Variants in SPAG6 observed in about 807,000 individuals in gnomAD.
SPAG6 encodes sperm associated antigen 6, also known as sperm-associated antigen 6.
SPAG6 carries 49 observed loss-of-function variants against 58.5 expected under a neutral mutation model. That is an observed-to-expected ratio of 0.84 (90% CI 0.67 to 1.06). SPAG6 has a LOEUF of 1.06. Ranked by LOEUF, SPAG6 falls within the 50% of genes least tolerant of loss-of-function variation. The pLI, the probability that SPAG6 is intolerant of heterozygous loss-of-function variation, is 0.00. For missense variants in SPAG6, 560 were observed against 611.3 expected, an observed-to-expected ratio of 0.92 and a Z score of 0.89; for synonymous variants, 233 against 225.6, an observed-to-expected ratio of 1.03 and a Z score of -0.29.
At chr10:22,370,346 T>C (rs1183145671) in intron 4 of SPAG6, among the ~76,000 whole-genome samples, 1 of 152,222 alleles carries the variant, frequency 6.6e-6, no homozygotes, top group Non-Finnish European at 1.5e-5. Context: ...CATTATCTCA[T>C]TTTGATTGCA....
intron 10 of SPAG6, among the ~76,000 whole-genome samples, chr10:22,414,744 C>A (rs1157262046): frequency 6.6e-6 from 1 of 152,098 alleles, no homozygotes; most frequent in Non-Finnish European, 1.5e-5. Context: ...AATCTAAATA[C>A]AGACATACTA....
At chr10:22,387,776 G>A (rs781272983) in intron 5 of SPAG6, 47 bp from the exon 6 acceptor site, 8 of 1,553,788 alleles carry the variant, frequency 5.1e-6, no homozygotes, top group African/African-American at 2.8e-5. Flanking sequence ...CTCTGTAGTG[G>A]ATGCTATATA....
chr10:22,375,585 C>CTTTTTTT (rs928312845), intron 4 of SPAG6, among the ~76,000 whole-genome samples: 1 of 126,196 alleles, frequency 7.9e-6, no homozygotes, highest in Non-Finnish European at 1.7e-5. Context: ...AAAGGATTTT[C>CTTTTTTT]TTTTTTTTTT....
At chr10:22,370,360 A>G (rs1234358601) in intron 4 of SPAG6, among the ~76,000 whole-genome samples, 1 of 152,128 alleles carries the variant, frequency 6.6e-6, no homozygotes, top group Non-Finnish European at 1.5e-5. Context: ...GATTGCAGCT[A>G]CCCTTGGGTG....
chr10:22,380,269 G>A (rs1459933358), intron 4 of SPAG6, among the ~76,000 whole-genome samples: 1 of 152,012 alleles, frequency 6.6e-6, no homozygotes, highest in East Asian at 1.9e-4. Flanking sequence ...TATCATATAA[G>A]TGGCAGCCAA....
intron 10 of SPAG6, chr10:22,412,705 G>C (rs1414337595): frequency 7.3e-6 from 3 of 413,146 alleles, no homozygotes; most frequent in African/African-American, 2.1e-5. Context: ...CCAAGTAGCT[G>C]GGACTACAGG....
chr10:22,358,021 G>T (rs1347406392), intron 2 of SPAG6, among the ~76,000 whole-genome samples: 5 of 151,958 alleles, frequency 3.3e-5, no homozygotes, highest in East Asian at 1.9e-4. Context: ...TCTTTGCTAT[G>T]GTGAATAGTG....
Position 22,364,967 on chromosome 10 carries a change from T to A in SPAG6, c.236T>A (p.Val79Asp), listed in dbSNP as rs771260495. 4.3e-6 allele frequency: 7 copies of A among 1,613,154 alleles called. No individual in the cohort carries two copies. The highest frequency in any genetic ancestry group is 2.5e-6 in the Non-Finnish European group (3 of 1,179,576). Residue 79 changes from valine (V) to aspartate (D), a missense_variant, in exon 3 of 11, where the codon GTT becomes GAT. Physicochemically the swap from Val to Asp is radical, Grantham distance 152 (BLOSUM62 -3). Transcript: ENST00000376624. ...ANYNDDLAEA[V>D]VKCDILPQLV... is the part of the protein sequence containing the mutation. ...TATAATGATGACCTAGCAGAAGCTG[T>A]TGTGAAGTGCGACATTCTTCCACAG...
At chr10:22,392,790 G>A (rs917925178) in intron 8 of SPAG6, among the ~76,000 whole-genome samples, 5 of 152,056 alleles carry the variant, frequency 3.3e-5, no homozygotes, top group African/African-American at 9.7e-5. Flanking sequence ...ATACACTTAA[G>A]GGACTCTGAA....
At chr10:22,412,548 A>G (rs1182845296) in intron 10 of SPAG6, 3 of 1,144,912 alleles carry the variant, frequency 2.6e-6, no homozygotes, top group Middle Eastern at 4.4e-4. Flanking sequence ...ATTAATATAT[A>G]TGATACATCA....
In SPAG6 at chr10:22,364,834, C is replaced by A. The variant is rs1334656624; in HGVS notation, c.122-19C>A. The A allele has an allele frequency of 1.3e-6, 2 of 1,568,164 alleles. No homozygotes were observed. Among genetic ancestry groups the A allele is most frequent in the East Asian group, 2.3e-5 (1 of 43,852 alleles). ...AATTTAAATTTTCCTGATTTCTGTT[C>A]TTTCATAATTTAACTCAGGTGTAAT... On this transcript the variant is annotated intron_variant, in intron 2 of 10. Transcript: ENST00000376624.
intron 2 of SPAG6, among the ~76,000 whole-genome samples, chr10:22,358,758 A>G (rs988164216): frequency 1.3e-5 from 2 of 152,256 alleles, no homozygotes; most frequent in Admixed American, 1.3e-4. Flanking sequence ...TAATTTTTGT[A>G]TAAGGAGTAA....
chr10:22,403,266 C>T (rs1304141658), intron 9 of SPAG6, among the ~76,000 whole-genome samples: 3 of 152,148 alleles, frequency 2.0e-5, no homozygotes, highest in African/African-American at 7.2e-5. Flanking sequence ...GTATATCTCC[C>T]AATGCTATCC....
chr10:22,379,264 G>T (rs752649785), intron 4 of SPAG6, among the ~76,000 whole-genome samples: 10 of 152,204 alleles, frequency 6.6e-5, no homozygotes, highest in South Asian at 6.2e-4. Flanking sequence ...TCTTGCAGAT[G>T]TGTTGGTGTA....
At chr10:22,397,168 G>T (rs1426249166) in intron 8 of SPAG6, among the ~76,000 whole-genome samples, 1 of 151,826 alleles carries the variant, frequency 6.6e-6, no homozygotes, top group African/African-American at 2.4e-5. Context: ...CGTGTGACAT[G>T]ATCTTGTATG....
intron 9 of SPAG6, among the ~76,000 whole-genome samples, chr10:22,407,325 C>A (rs1834583983): frequency 6.6e-6 from 1 of 151,864 alleles, no homozygotes; most frequent in Non-Finnish European, 1.5e-5. Flanking sequence ...TCTTTTAGGG[C>A]AGGCCTGGTG....
In SPAG6 at chr10:22,416,933, G is replaced by T. The variant is rs116988671; in HGVS notation, c.*245G>T. The T allele has an allele frequency of 3.1e-6, 1 of 317,478 alleles. No individual in the cohort carries two copies. Among genetic ancestry groups the T allele is most frequent in the Non-Finnish European group, 5.9e-6 (1 of 170,026 alleles). 19.7% of individuals were successfully genotyped at this position (317,478 alleles called of 1,614,324 possible). A position where few individuals can be genotyped will look rare whatever the true frequency, so the allele number is the denominator to read the frequency against. ...GTAGATTTTAAAAACACGTTAAAGG[G>T]CCTTAAGGCATTTTGTTATTCTGTT... On this transcript the variant is annotated 3_prime_UTR_variant, in exon 11 of 11. Coordinates refer to ENST00000376624, the MANE Select transcript of SPAG6 (RefSeq NM_012443.4).
At chr10:22,403,891 G>A (rs1197719525) in intron 9 of SPAG6, among the ~76,000 whole-genome samples, 3 of 151,314 alleles carry the variant, frequency 2.0e-5, no homozygotes, top group Admixed American at 1.3e-4. Flanking sequence ...GCCAGTGATG[G>A]TGAGCATTTT....
At chr10:22,401,757 T>C (rs1471358713) in intron 9 of SPAG6, among the ~76,000 whole-genome samples, 1 of 152,218 alleles carries the variant, frequency 6.6e-6, no homozygotes, top group African/African-American at 2.4e-5. Context: ...AGCTGTCATA[T>C]TTCTTAGATT....
Sources: allele counts gnomAD v4.1 joint callset (sites outside exome capture counted in the v4.1 genomes callset), GRCh38; gene constraint gnomAD v4.1.1; transcripts MANE v1.5; gene names NCBI Gene and HGNC (gene_info 2026-07-23, HGNC 2026-07-21).